Variants in VAPB observed in about 807,000 individuals in gnomAD.
The protein encoded by VAPB is VAMP associated protein B and C.
In VAPB, 7 loss-of-function variants were observed where a neutral mutation model predicts 25.6. That is an observed-to-expected ratio of 0.27 (90% CI 0.16 to 0.51). The LOEUF is 0.51. Ranked by LOEUF, VAPB falls within the 20% of genes least tolerant of loss-of-function variation. The pLI, the probability that VAPB is intolerant of heterozygous loss-of-function variation, is 0.97. For missense variants in VAPB, 266 were observed against 301.3 expected (o/e 0.88, Z 0.87); for synonymous variants, 112 against 109.2 (o/e 1.03, Z -0.16).
chr20:58,414,371 G>A (rs1180773358), intron 1 of VAPB, among the ~76,000 whole-genome samples: 2 of 146,098 alleles, frequency 1.4e-5, no homozygotes, highest in East Asian at 4.2e-4. Flanking sequence ...GGGCGGAGAC[G>A]CCCCCCACCT....
At position 58,444,461 on chromosome 20, in the gene VAPB, AAGAATGAT is replaced by A. The variant is rs760495306; in HGVS notation, c.*227_*234del. The A allele has an allele frequency of 3.1e-6, 2 of 641,740 alleles. No homozygotes were observed. Among genetic ancestry groups the A allele is most frequent in the Non-Finnish European group, 5.7e-6 (2 of 349,584 alleles). The allele number at this position is 641,740 out of a possible 1,614,324, so 39.8% of individuals were successfully genotyped here. ...TGTATAGTAACTGATTGAGGGGGAA[AAGAATGAT>A]CTTTATTAATGACAAGGGAAACCAT... On this transcript the variant is annotated 3_prime_UTR_variant, in exon 6 of 6. Coordinates refer to ENST00000475243, the MANE Select transcript of VAPB (RefSeq NM_004738.5).
chr20:58,390,807 T>A (rs1288271493), intron 1 of VAPB, among the ~76,000 whole-genome samples: 1 of 152,168 alleles, frequency 6.6e-6, no homozygotes, highest in Non-Finnish European at 1.5e-5. Context: ...AATGGTACAT[T>A]TGAACCCAGA....
At chr20:58,418,719 A>G (rs1362534263) in intron 2 of VAPB, among the ~76,000 whole-genome samples, 1 of 152,228 alleles carries the variant, frequency 6.6e-6, no homozygotes, top group Admixed American at 6.5e-5. Flanking sequence ...AAAGGGCTAA[A>G]CAAACTTAAT....
intron 2 of VAPB, among the ~76,000 whole-genome samples, chr20:58,427,872 A>G (rs963622257): frequency 1.3e-5 from 2 of 150,600 alleles, no homozygotes; most frequent in Non-Finnish European, 2.9e-5. Flanking sequence ...TGTTACCATT[A>G]TGATGCAGGC....
chr20:58,400,288 G>A (rs966639084), intron 1 of VAPB, among the ~76,000 whole-genome samples: 1 of 152,174 alleles, frequency 6.6e-6, no homozygotes, highest in African/African-American at 2.4e-5. Flanking sequence ...CTAAGCTTGA[G>A]AACTTAAGTT....
At chr20:58,423,154 G>A (rs913538691) in intron 2 of VAPB, among the ~76,000 whole-genome samples, 1 of 152,052 alleles carries the variant, frequency 6.6e-6, no homozygotes, top group Admixed American at 6.6e-5. Context: ...GCTTATGCCT[G>A]TAATCCCAGC....
chr20:58,389,309 C>A lies in VAPB; in HGVS notation c.-151C>A, dbSNP rs927527274. ...CCTGCACCGCGTAGACCGACCCCCC[C>A]CCAGCGCGCCCACCCGGTAGAGGAC... is the stretch of plus-strand genomic sequence containing the variant. On this transcript the variant is annotated 5_prime_UTR_variant, in exon 1 of 6. Coordinates refer to ENST00000475243, the MANE Select transcript of VAPB (RefSeq NM_004738.5). 2.8e-5 allele frequency: 20 copies of A among 716,114 alleles called. 1 individual carries two copies. Among genetic ancestry groups the A allele is most frequent in the Admixed American group, 4.3e-5 (2 of 46,426 alleles). 44.4% of individuals were successfully genotyped at this position (716,114 alleles called of 1,614,324 possible).
chr20:58,404,351 C>A (rs2123033744), intron 1 of VAPB, among the ~76,000 whole-genome samples: 1 of 152,204 alleles, frequency 6.6e-6, no homozygotes, highest in African/African-American at 2.4e-5. Context: ...CCCAGAAGCC[C>A]CTTATAGCGT....
At chr20:58,438,306 C>T (rs1056052589) in intron 3 of VAPB, among the ~76,000 whole-genome samples, 2 of 152,132 alleles carry the variant, frequency 1.3e-5, no homozygotes, top group African/African-American at 4.8e-5. Flanking sequence ...GAGACAGAGT[C>T]TCTCAGTGTC....
rs147281453 is a variant in VAPB, at chr20:58,446,829, A to G, written c.*2594A>G. On this transcript the variant is annotated 3_prime_UTR_variant, in exon 6 of 6. Coordinates refer to ENST00000475243, the MANE Select transcript of VAPB (RefSeq NM_004738.5). ...CAGCCAAAAATGTGCCAGGAAAAGA[A>G]AGAATGTGGAGCACGCGTGGCTCCT... 1.2e-3 allele frequency: 546 copies of G among 454,110 alleles called. 5 individuals are homozygous for G. Among genetic ancestry groups the G allele is most frequent in the African/African-American group, 0.01 (516 of 50,130 alleles). 28.1% of individuals were successfully genotyped at this position (454,110 alleles called of 1,614,324 possible). A position where few individuals can be genotyped will look rare whatever the true frequency, so the allele number is the denominator to read the frequency against.
At chr20:58,422,254 G>A (rs371666634) in intron 2 of VAPB, among the ~76,000 whole-genome samples, 3 of 152,156 alleles carry the variant, frequency 2.0e-5, no homozygotes, top group Admixed American at 2.0e-4. Context: ...GGTGCAGGGG[G>A]CTTTCTGTTT....
chr20:58,435,000 C>G (rs1989010028), intron 3 of VAPB, among the ~76,000 whole-genome samples: 1 of 152,068 alleles, frequency 6.6e-6, no homozygotes, highest in South Asian at 2.1e-4. Context: ...TTAGGGATTG[C>G]CTTCTTTCGC....
Position 58,449,202 on chromosome 20 carries a change from A to G in VAPB, c.*4967A>G. ...CTCTGAATCCCATTAGCCACAGCCT[A>G]GAACATTAGCTGAGCTGCACAAGCT... On this transcript the variant is annotated 3_prime_UTR_variant, in exon 6 of 6. Transcript: ENST00000475243. The G allele has an allele frequency of 2.2e-6, 1 of 454,154 alleles. No homozygotes were observed. The highest frequency in any genetic ancestry group is 1.6e-5 in the South Asian group (1 of 64,478). 28.1% of individuals were successfully genotyped at this position (454,154 alleles called of 1,614,324 possible).
chr20:58,442,860 C>T (rs542437761), intron 5 of VAPB, among the ~76,000 whole-genome samples: 131 of 152,184 alleles, frequency 8.6e-4, no homozygotes, highest in African/African-American at 2.8e-3. Flanking sequence ...ACTAGGTACT[C>T]GGGCGGATGG....
chr20:58,403,575 T>G (rs1427706849), intron 1 of VAPB, among the ~76,000 whole-genome samples: 1 of 152,274 alleles, frequency 6.6e-6, no homozygotes, highest in Non-Finnish European at 1.5e-5. Flanking sequence ...CTTTGACTTT[T>G]CTGATGAACT....
At chr20:58,402,560 CCCTT>C (rs1490505926) in intron 1 of VAPB, among the ~76,000 whole-genome samples, 1 of 98,946 alleles carries the variant, frequency 1.0e-5, no homozygotes, top group African/African-American at 4.0e-5. Context: ...AGCCCCCCCA[CCCTT>C]TTTTTTTTTT....
At chr20:58,392,795 T>C (rs1007712880) in intron 1 of VAPB, among the ~76,000 whole-genome samples, 1 of 152,208 alleles carries the variant, frequency 6.6e-6, no homozygotes, top group Non-Finnish European at 1.5e-5. Context: ...TTGGGAATTT[T>C]GTGTGGTATG....
intron 5 of VAPB, 127 bp from the exon 6 acceptor site, chr20:58,443,950 A>C (rs989348233): frequency 2.9e-5 from 40 of 1,395,804 alleles, no homozygotes; most frequent in Non-Finnish European, 3.8e-5. Context: ...CTCCGTTTGC[A>C]AAATGCGGTT....
Position 58,389,334 on chromosome 20 carries a change from C to A in VAPB, c.-126C>A. 4 of 790,078 alleles carry A rather than the reference C, an allele frequency of 5.1e-6. No individual in the cohort carries two copies. The highest frequency in any genetic ancestry group is 7.8e-6 in the Non-Finnish European group (4 of 516,100). 48.9% of individuals were successfully genotyped at this position (790,078 alleles called of 1,614,324 possible). A position where few individuals can be genotyped will look rare whatever the true frequency, so the allele number is the denominator to read the frequency against. On this transcript the variant is annotated 5_prime_UTR_variant, in exon 1 of 6. Transcript: ENST00000475243. Reference sequence around the variant, plus strand: ...CCCAGCGCGCCCACCCGGTAGAGGACCCCCGCCCGTGCCCCGACCGGTCCC... The same window carrying A: ...CCCAGCGCGCCCACCCGGTAGAGGAACCCCGCCCGTGCCCCGACCGGTCCC...
Sources: gnomAD v4.1 joint callset for allele counts (sites outside exome capture counted in the v4.1 genomes callset) on GRCh38, gnomAD v4.1.1 for gene constraint, MANE v1.5 for transcripts, NCBI Gene and HGNC (gene_info 2026-07-23, HGNC 2026-07-21) for gene names.